The following PTPRT variants were observed in gnomAD, a reference collection of about 807,000 sequenced individuals.
PTPRT encodes the protein protein tyrosine phosphatase receptor type T.
Under a neutral mutation model 176.8 loss-of-function variants are expected in PTPRT, and 56 were observed. That is an observed-to-expected ratio of 0.32 (90% CI 0.26 to 0.40). PTPRT has a LOEUF of 0.40. Ranked by LOEUF, PTPRT falls within the 10% of genes least tolerant of loss-of-function variation. The pLI, the probability that PTPRT is intolerant of heterozygous loss-of-function variation, is 1.00. For missense variants in PTPRT, 1,540 were observed against 1,908.2 expected, an observed-to-expected ratio of 0.81 and a Z score of 3.60; for synonymous variants, 783 against 739.0, an observed-to-expected ratio of 1.06 and a Z score of -0.96.
chr20:42,256,866 A>C (rs75667303), intron 13 of PTPRT, among the ~76,000 whole-genome samples: 3,308 of 152,304 alleles, frequency 0.022, 138 homozygotes, highest in African/African-American at 0.076. Flanking sequence ...ACCCAACAGA[A>C]GTGGAACTCT....
intron 22 of PTPRT, among the ~76,000 whole-genome samples, chr20:42,112,438 C>T (rs61570889): frequency 0.011 from 1,720 of 152,330 alleles, 28 homozygotes; most frequent in African/African-American, 0.039. Flanking sequence ...ACTGGCTTGC[C>T]ACTTGCTCAG....
At chr20:42,334,440 TAA>T (rs2058012435) in intron 11 of PTPRT, among the ~76,000 whole-genome samples, 1 of 152,210 alleles carries the variant, frequency 6.6e-6, no homozygotes, top group Non-Finnish European at 1.5e-5. Context: ...GTTAATAGCA[TAA>T]AAATACCTAG....
At chr20:42,757,531 G>A (rs1450813934) in intron 5 of PTPRT, among the ~76,000 whole-genome samples, 6 of 152,170 alleles carry the variant, frequency 3.9e-5, no homozygotes, top group Non-Finnish European at 5.9e-5. Context: ...TCCGTCTTCC[G>A]TAAAAAGCCA....
intron 2 of PTPRT, among the ~76,000 whole-genome samples, chr20:42,856,584 C>G (rs73907287): frequency 0.032 from 4,852 of 152,062 alleles, 203 homozygotes; most frequent in African/African-American, 0.097. Context: ...ATCAGCTTCT[C>G]GACAACACCC....
At chr20:43,055,209 C>G (rs1350291255) in intron 1 of PTPRT, among the ~76,000 whole-genome samples, 1 of 152,140 alleles carries the variant, frequency 6.6e-6, no homozygotes, top group African/African-American at 2.4e-5. Flanking sequence ...ACCCAGAAAA[C>G]AGAGAACTAA....
At chr20:42,285,210 C>T (rs2057209737) in intron 12 of PTPRT, among the ~76,000 whole-genome samples, 1 of 151,960 alleles carries the variant, frequency 6.6e-6, no homozygotes, top group Non-Finnish European at 1.5e-5. Context: ...AAACCCAGAA[C>T]ACTGAAGAAG....
chr20:43,083,505 C>T (rs2011523205), intron 1 of PTPRT, among the ~76,000 whole-genome samples: 1 of 150,994 alleles, frequency 6.6e-6, no homozygotes, highest in African/African-American at 2.4e-5. Context: ...GGATTACAGT[C>T]ACGCAACACC....
chr20:42,072,608 T>C (rs189360190), downstream of PTPRT: 1 of 174,946 alleles, frequency 5.7e-6, no homozygotes, highest in East Asian at 1.0e-4. Context: ...AACTTTTTCG[T>C]CTGCAAAGAG....
At chr20:43,115,051 T>C (rs1369226554) in intron 1 of PTPRT, among the ~76,000 whole-genome samples, 1 of 152,180 alleles carries the variant, frequency 6.6e-6, no homozygotes, top group East Asian at 1.9e-4. Flanking sequence ...TTTCATTGCA[T>C]ATATAGATGT....
intron 16 of PTPRT, among the ~76,000 whole-genome samples, chr20:42,188,643 G>A (rs1445004125): frequency 6.6e-6 from 1 of 152,108 alleles, no homozygotes; most frequent in Non-Finnish European, 1.5e-5. Flanking sequence ...TGGTCTCTAA[G>A]CTCAGTTTAT....
chr20:42,973,616 G>C (rs1435850596), intron 1 of PTPRT, among the ~76,000 whole-genome samples: 1 of 152,138 alleles, frequency 6.6e-6, no homozygotes, highest in Admixed American at 6.5e-5. Context: ...CACCTACCTG[G>C]AACAGTATCT....
chr20:42,542,645 G>T (rs967240067), intron 7 of PTPRT, among the ~76,000 whole-genome samples: 1 of 152,168 alleles, frequency 6.6e-6, no homozygotes, highest in African/African-American at 2.4e-5. Flanking sequence ...ATTACCTTAG[G>T]ACAAAGAATT....
At chr20:42,588,966 G>C (rs1277092478) in intron 7 of PTPRT, among the ~76,000 whole-genome samples, 2 of 152,164 alleles carry the variant, frequency 1.3e-5, no homozygotes, top group Non-Finnish European at 2.9e-5. Flanking sequence ...GCCAGTAAAA[G>C]GCAGAAATAG....
At chr20:42,457,001 G>A (rs1014044809) in intron 8 of PTPRT, among the ~76,000 whole-genome samples, 1 of 152,184 alleles carries the variant, frequency 6.6e-6, no homozygotes, top group Admixed American at 6.5e-5. Context: ...ATACAGAATT[G>A]CTTTTCCTTA....
At chr20:42,925,848 C>T (rs1393635687) in intron 1 of PTPRT, among the ~76,000 whole-genome samples, 1 of 152,222 alleles carries the variant, frequency 6.6e-6, no homozygotes, top group Non-Finnish European at 1.5e-5. Flanking sequence ...TTCCCTGGCA[C>T]TCTCTGATAC....
At chr20:42,831,752 A>T (rs1040017073) in intron 2 of PTPRT, among the ~76,000 whole-genome samples, 2 of 152,244 alleles carry the variant, frequency 1.3e-5, no homozygotes, top group Non-Finnish European at 2.9e-5. Flanking sequence ...ACATACATGC[A>T]TCCAACAAGC....
At position 42,991,463 on chromosome 20, in the gene PTPRT, A is replaced by C. The variant is rs117271529; in HGVS notation, c.89-105531T>G. ...AGAAACGTATTTATATAAATAAGCT[A>C]TCTGAAATACTGTATGATTCCACTT... is the stretch of plus-strand genomic sequence containing the variant. On this transcript the variant is annotated intron_variant, in intron 1 of 30. Transcript: ENST00000373187. Among the ~76,000 whole-genome samples the C allele has an allele frequency of 5.4e-3, 826 of 152,290 alleles. 3 individuals carry two copies. The highest frequency in any genetic ancestry group is 8.2e-3 in the Non-Finnish European group (559 of 68,030).
intron 1 of PTPRT, among the ~76,000 whole-genome samples, chr20:42,894,755 C>T (rs1029693177): frequency 4.6e-5 from 7 of 152,184 alleles, no homozygotes; most frequent in African/African-American, 1.7e-4. Flanking sequence ...CCTTCTGCCC[C>T]CATTCACTGC....
intron 3 of PTPRT, among the ~76,000 whole-genome samples, chr20:42,787,337 C>G (rs1265846277): frequency 6.6e-6 from 1 of 152,108 alleles, no homozygotes; most frequent in Non-Finnish European, 1.5e-5. Context: ...TGTAGGGCCA[C>G]CTGTCTGCAG....
Sources: allele counts gnomAD v4.1 joint callset (sites outside exome capture counted in the v4.1 genomes callset), GRCh38; gene constraint gnomAD v4.1.1; transcripts MANE v1.5; gene names NCBI Gene and HGNC (gene_info 2026-07-23, HGNC 2026-07-21).